Variants in SNX18 observed in about 807,000 individuals in gnomAD.
SNX18 encodes the protein sorting nexin 18, also known as sorting nexin-18.
In SNX18, 35 loss-of-function variants were observed where a neutral mutation model predicts 48.7. That is an observed-to-expected ratio of 0.72 (90% CI 0.55 to 0.95). The LOEUF (loss-of-function observed/expected upper bound fraction) is 0.95. Among genes scored for constraint, SNX18 ranks in the 40% least tolerant of loss-of-function variants. SNX18 has a pLI of 0.00. For missense variants in SNX18, 824 were observed against 871.0 expected (o/e 0.95, Z 0.68); for synonymous variants, 492 against 384.7 (o/e 1.28, Z -3.26).
the SNX18 span, among the ~76,000 whole-genome samples, chr5:54,570,704 A>G: frequency 1.1e-4 from 17 of 152,342 alleles, no homozygotes; most frequent in East Asian, 3.3e-3. Flanking sequence ...GTATCAGAAC[A>G]TACAAAGACT....
At chr5:54,602,770 G>A in the SNX18 span, among the ~76,000 whole-genome samples, 5 of 152,144 alleles carry the variant, frequency 3.3e-5, no homozygotes, top group Non-Finnish European at 5.9e-5. Context: ...GCCTCCTTCC[G>A]GGATCTTGCC....
At chr5:54,636,132 C>A in the SNX18 span, among the ~76,000 whole-genome samples, 1 of 152,146 alleles carries the variant, frequency 6.6e-6, no homozygotes, top group Non-Finnish European at 1.5e-5. Flanking sequence ...TTGTTCTGGT[C>A]TAAGAGATGC....
chr5:54,565,818 A>G, the SNX18 span, among the ~76,000 whole-genome samples: 2 of 152,346 alleles, frequency 1.3e-5, no homozygotes, highest in African/African-American at 4.8e-5. Flanking sequence ...TTTCAACTTT[A>G]TACAATTCAA....
intron 1 of SNX18, among the ~76,000 whole-genome samples, chr5:54,534,270 T>C (rs1762309425): frequency 6.6e-6 from 1 of 151,212 alleles, no homozygotes; most frequent in Non-Finnish European, 1.5e-5. Context: ...AAATGTAGCC[T>C]TTGGATTCCT....
chr5:54,532,348 C>T (rs1449428831), intron 1 of SNX18, among the ~76,000 whole-genome samples: 1 of 131,760 alleles, frequency 7.6e-6, no homozygotes, highest in South Asian at 2.3e-4. Context: ...GACCAGTATG[C>T]GTGCACATGC....
chr5:54,623,953 A>G, the SNX18 span, among the ~76,000 whole-genome samples: 1 of 152,176 alleles, frequency 6.6e-6, no homozygotes, highest in Non-Finnish European at 1.5e-5. Flanking sequence ...AATTCACTTA[A>G]CCTCAGTTAC....
the SNX18 span, among the ~76,000 whole-genome samples, chr5:54,578,987 C>T: frequency 1.3e-5 from 2 of 152,152 alleles, no homozygotes; most frequent in African/African-American, 4.8e-5. Flanking sequence ...GAAGTATTGG[C>T]TAATTAGTCA....
the SNX18 span, among the ~76,000 whole-genome samples, chr5:54,646,304 C>T: frequency 6.6e-6 from 1 of 152,176 alleles, no homozygotes; most frequent in Non-Finnish European, 1.5e-5. Context: ...TTCTGAAACA[C>T]TCTGCTAGGG....
the SNX18 span, among the ~76,000 whole-genome samples, chr5:54,571,570 T>C: frequency 3.3e-5 from 5 of 152,202 alleles, no homozygotes; most frequent in African/African-American, 1.2e-4. Context: ...CATTGAGGAC[T>C]GACGGATTGG....
chr5:54,591,004 T>TC, the SNX18 span, among the ~76,000 whole-genome samples: 1 of 151,904 alleles, frequency 6.6e-6, no homozygotes, highest in South Asian at 2.1e-4. Context: ...ATCCTCCCCA[T>TC]CCCCCCTCAC....
the SNX18 span, among the ~76,000 whole-genome samples, chr5:54,636,456 A>G: frequency 6.6e-6 from 1 of 152,156 alleles, no homozygotes; most frequent in African/African-American, 2.4e-5. Context: ...AGTTGTATGC[A>G]TAACGGAAAC....
In SNX18 at chr5:54,518,625, G is replaced by A. The variant is rs1178487419; in HGVS notation, c.673G>A (p.Val225Met). 1 of 1,560,416 alleles carries A rather than the reference G, an allele frequency of 6.4e-7. No homozygotes were observed. Among genetic ancestry groups the A allele is most frequent in the Non-Finnish European group, 8.7e-7 (1 of 1,155,386 alleles). ...HPSGPKSSATVSRNLNRFSTF... is the reference protein window; with the variant it reads ...HPSGPKSSATMSRNLNRFSTF... ...GTCGGGGCCCAAGAGCTCGGCCACCGTGAGCCGCAACCTCAATCGCTTCTC... is the reference window on the plus strand; with the variant it reads ...GTCGGGGCCCAAGAGCTCGGCCACCATGAGCCGCAACCTCAATCGCTTCTC... The change falls in exon 1 of 2, where the codon GTG (valine) becomes ATG (methionine). Residue 225 changes from valine to methionine, a missense_variant. Physicochemically the swap from Val to Met is conservative, Grantham distance 21 (BLOSUM62 1). Around this residue, in one of 3 missense-constraint regions of SNX18, gnomAD observed 377 missense variants for 350.6 expected, o/e 1.08. Coordinates refer to ENST00000381410, the MANE Select transcript of SNX18 (RefSeq NM_001102575.2).
In SNX18 at chr5:54,518,880, C is replaced by T. The variant is rs559194532; in HGVS notation, c.928C>T (p.His310Tyr). The T allele has an allele frequency of 1.2e-5, 19 of 1,613,788 alleles. No homozygotes were observed. The African/African-American group carries it at 1.7e-4, about 15-fold the overall frequency. The change falls in exon 1 of 2, where the codon CAT becomes TAT. Residue 310 changes from histidine (H) to tyrosine (Y), a missense_variant. Physicochemically the swap from His to Tyr is moderately conservative, Grantham distance 83. Around this residue, in one of 3 missense-constraint regions of SNX18, gnomAD observed 443 missense variants for 503.6 expected, o/e 0.88. Coordinates refer to ENST00000381410, the MANE Select transcript of SNX18 (RefSeq NM_001102575.2). Reference protein sequence around the residue: ...LVPTHTQVPVHRRYKHFDWLY... With the variant: ...LVPTHTQVPVYRRYKHFDWLY... ...GCCCACGCACACGCAGGTGCCGGTG[C>T]ATCGGCGCTACAAGCACTTCGACTG...
At chr5:54,567,117 T>C in the SNX18 span, among the ~76,000 whole-genome samples, 1 of 152,154 alleles carries the variant, frequency 6.6e-6, no homozygotes, top group Non-Finnish European at 1.5e-5. Context: ...GTTATTACAA[T>C]CAAATTTTGC....
rs1260732628 is a variant in SNX18, at chr5:54,544,332, T to G, written c.*900T>G. The stretch of plus-strand genomic sequence containing the variant: ...TATCGAATCATTGACAACACACACT[T>G]GGCTTTAGTTCTTAGGAGGGTTTTG... On this transcript the variant is annotated 3_prime_UTR_variant, in exon 2 of 2. Transcript: ENST00000381410. 6.6e-6 allele frequency: 1 copy of G among 152,128 alleles called. No individual in the cohort carries two copies. The highest frequency in any genetic ancestry group is 6.5e-5 in the Admixed American group (1 of 15,268). 9.4% of individuals were successfully genotyped at this position (152,128 alleles called of 1,614,324 possible). A position where few individuals can be genotyped will look rare whatever the true frequency, so the allele number is the denominator to read the frequency against.
intron 1 of SNX18, among the ~76,000 whole-genome samples, chr5:54,539,212 G>C (rs767072713): frequency 6.6e-6 from 1 of 151,756 alleles, no homozygotes; most frequent in Non-Finnish European, 1.5e-5. Context: ...CTAAATAGTT[G>C]TAGTGCTTGC....
chr5:54,575,102 T>C, the SNX18 span, among the ~76,000 whole-genome samples: 2 of 152,160 alleles, frequency 1.3e-5, no homozygotes, highest in South Asian at 4.1e-4. Context: ...ACATGACTTC[T>C]GAGACTGGGT....
At chr5:54,532,073 G>C (rs970105061) in intron 1 of SNX18, among the ~76,000 whole-genome samples, 1 of 152,170 alleles carries the variant, frequency 6.6e-6, no homozygotes, top group East Asian at 1.9e-4. Flanking sequence ...AAGAGCAGGG[G>C]CCACTTTACT....
rs1315979341 is a variant in SNX18 at position 54,517,792 on chromosome 5, G to C, written c.-161G>C. On this transcript the variant is annotated 5_prime_UTR_variant, in exon 1 of 2. Transcript: ENST00000381410. ...CTGCGAAGTGGAGGCGCTGCGAGCG[G>C]AGCCGCGCGGAGGGCGCGACCGGCT... 1.6e-6 allele frequency: 1 copy of C among 623,926 alleles called. No individual in the cohort carries two copies. Among genetic ancestry groups the C allele is most frequent in the Non-Finnish European group, 2.3e-6 (1 of 435,112 alleles). The allele number at this position is 623,926 out of a possible 1,614,324, so 38.6% of individuals were successfully genotyped here.
Sources: gnomAD v4.1 joint callset for allele counts (sites outside exome capture counted in the v4.1 genomes callset) on GRCh38, gnomAD v4.1.1 for gene constraint, gnomAD v4.1.1 regional missense constraint, MANE v1.5 for transcripts, NCBI Gene and HGNC (gene_info 2026-07-23, HGNC 2026-07-21) for gene names.